Variants in RBL1 observed in about 807,000 individuals in gnomAD.
RBL1 encodes the protein retinoblastoma-like protein 1.
Under a neutral mutation model 123.0 loss-of-function variants are expected in RBL1, and 82 were observed. The ratio of observed to expected loss-of-function variants is 0.67; its 90% CI spans 0.56 to 0.80. The LOEUF (loss-of-function observed/expected upper bound fraction) is 0.80. Ranked by LOEUF, RBL1 falls within the 30% of genes least tolerant of loss-of-function variation. The probability of loss-of-function intolerance (pLI) is 0.00; values close to 1 mark genes in which losing one functional copy is unlikely to be tolerated. For synonymous variants in RBL1, 405 were observed against 441.3 expected (o/e 0.92, Z 1.03); for missense variants, 1,171 against 1,299.6 (o/e 0.90, Z 1.52).
At chr20:37,039,632 G>A (rs528859478) in intron 14 of RBL1, among the ~76,000 whole-genome samples, 1 of 152,212 alleles carries the variant, frequency 6.6e-6, no homozygotes, top group South Asian at 2.1e-4. Flanking sequence ...ATGTGGAACT[G>A]TGAGTAAATC....
intron 16 of RBL1, among the ~76,000 whole-genome samples, chr20:37,026,819 G>A (rs751635465): frequency 1.3e-5 from 2 of 150,968 alleles, no homozygotes; most frequent in African/African-American, 2.4e-5. Flanking sequence ...TCTGGCCAAC[G>A]TGGTGAAACC....
intron 1 of RBL1, among the ~76,000 whole-genome samples, chr20:37,093,645 ATT>A (rs56745650): frequency 1.3e-4 from 18 of 136,248 alleles, no homozygotes; most frequent in Admixed American, 2.2e-4. Context: ...GTTTCTTTCC[ATT>A]TTTTTTTTTT....
chr20:37,071,175 A>G (rs1388499867), intron 2 of RBL1, among the ~76,000 whole-genome samples: 1 of 152,092 alleles, frequency 6.6e-6, no homozygotes, highest in African/African-American at 2.4e-5. Flanking sequence ...GATTACAGGC[A>G]TGAACCACTG....
intron 1 of RBL1, among the ~76,000 whole-genome samples, chr20:37,090,144 C>A (rs941010377): frequency 6.6e-6 from 1 of 152,204 alleles, no homozygotes; most frequent in African/African-American, 2.4e-5. Flanking sequence ...TTTAGATACA[C>A]ACATACTCAC....
At chr20:37,003,913 G>T in intron 20 of RBL1, 47 bp from the exon 21 acceptor site, 1 of 1,485,834 alleles carries the variant, frequency 6.7e-7, no homozygotes, top group South Asian at 1.3e-5. Flanking sequence ...GTTTTTCTTT[G>T]TTTTTGAATC....
At chr20:37,081,895 C>A in intron 2 of RBL1, 1 of 425,108 alleles carries the variant, frequency 2.4e-6, no homozygotes, top group Admixed American at 2.7e-5. Context: ...CACCAGAGAC[C>A]CCTGCTGGCT....
At chr20:37,050,266 G>A (rs1383480608) in intron 11 of RBL1, among the ~76,000 whole-genome samples, 3 of 151,460 alleles carry the variant, frequency 2.0e-5, no homozygotes, top group East Asian at 1.9e-4. Flanking sequence ...GAATAAGGCC[G>A]GGCGCAGTGG....
chr20:37,093,101 A>AT (rs1172487151), intron 1 of RBL1, among the ~76,000 whole-genome samples: 2 of 152,118 alleles, frequency 1.3e-5, no homozygotes, highest in Non-Finnish European at 2.9e-5. Flanking sequence ...TGAATAACTG[A>AT]TTTTGACTAC....
intron 11 of RBL1, among the ~76,000 whole-genome samples, chr20:37,052,364 C>G (rs573546507): frequency 1.4e-4 from 22 of 152,114 alleles, no homozygotes; most frequent in African/African-American, 5.3e-4. Flanking sequence ...TGCAGTCTCT[C>G]TCTGTCTTCC....
rs774322517 is a variant in RBL1 at position 37,095,794 on chromosome 20, G to A, written c.135C>T (p.Ile45=). 1.2e-6 allele frequency: 2 copies of A among 1,609,882 alleles called. No individual in the cohort carries two copies. Among genetic ancestry groups the A allele is most frequent in the South Asian group, 2.2e-5 (2 of 90,452 alleles). The change falls in exon 1 of 22, where the codon ATC becomes ATT. Residue 45 remains isoleucine (I), a synonymous_variant. Transcript: ENST00000373664. ...TCACCTCTAGGCTGTAGTTGCCTCGGATGGCAGTAAAGTCGTCCAGGGCTT... is the reference window on the plus strand; with the variant it reads ...TCACCTCTAGGCTGTAGTTGCCTCGAATGGCAGTAAAGTCGTCCAGGGCTT... The part of the protein sequence containing the change: ...AAEALDDFTA[I]RGNYSLEGEV...
chr20:37,024,324 T>G (rs1409973362), intron 16 of RBL1, among the ~76,000 whole-genome samples: 2 of 152,074 alleles, frequency 1.3e-5, no homozygotes, highest in African/African-American at 2.4e-5. Flanking sequence ...AATAGTAGGG[T>G]AAGAGCAGAG....
intron 11 of RBL1, among the ~76,000 whole-genome samples, chr20:37,052,917 C>T (rs890667362): frequency 1.3e-5 from 2 of 152,212 alleles, no homozygotes; most frequent in Non-Finnish European, 2.9e-5. Flanking sequence ...GCTGGGATTA[C>T]AGGCATGAGC....
chr20:37,093,552 T>A (rs1033051043), intron 1 of RBL1, among the ~76,000 whole-genome samples: 1 of 151,988 alleles, frequency 6.6e-6, no homozygotes, highest in African/African-American at 2.4e-5. Context: ...AGCAGGAACA[T>A]CACTTGAGCA....
At chr20:37,031,567 C>T (rs1368771530) in intron 16 of RBL1, among the ~76,000 whole-genome samples, 3 of 152,092 alleles carry the variant, frequency 2.0e-5, no homozygotes, top group Non-Finnish European at 4.4e-5. Flanking sequence ...ACGTTGGCAA[C>T]GATGAGAAGA....
At chr20:37,012,144 C>T (rs933913324) in intron 19 of RBL1, among the ~76,000 whole-genome samples, 3 of 152,256 alleles carry the variant, frequency 2.0e-5, no homozygotes, top group African/African-American at 7.2e-5. Context: ...GGATTGCAGA[C>T]GGAGTCTGGT....
In RBL1 at chr20:37,012,062, G is replaced by A. The variant is rs930083267; in HGVS notation, c.2723-4503C>T. On this transcript the variant is annotated intron_variant, in intron 19 of 21. Transcript: ENST00000373664. Reference sequence around the variant, plus strand: ...ATTTTTTTGGTGGAGACGGGGTTTCGCTGTGTTGGCTGGGCCGGTCTCCAG... The same window carrying A: ...ATTTTTTTGGTGGAGACGGGGTTTCACTGTGTTGGCTGGGCCGGTCTCCAG... Among the ~76,000 whole-genome samples, 12 of 152,232 alleles carry A rather than the reference G, an allele frequency of 7.9e-5. No homozygotes were observed. In the East Asian group the frequency reaches 1.2e-3, roughly 15 times the overall value.
At chr20:37,008,073 C>A (rs564014494) in intron 19 of RBL1, among the ~76,000 whole-genome samples, 1 of 152,186 alleles carries the variant, frequency 6.6e-6, no homozygotes, top group Non-Finnish European at 1.5e-5. Context: ...GAAGGTGGTG[C>A]TCTTTTCTCT....
intron 16 of RBL1, among the ~76,000 whole-genome samples, chr20:37,027,000 T>TAA (rs202243793): frequency 7.4e-5 from 9 of 121,060 alleles, no homozygotes; most frequent in Admixed American, 1.7e-4. Flanking sequence ...GACTCCATCT[T>TAA]AAAAAAAAAC....
rs192399539 is a variant in RBL1, at chr20:37,060,553, G to A, written c.1250+550C>T. ...TAATCCCAGCAGTTTGGAAGGCCGA[G>A]GCAGTTGGATCACTTGAGCTCAGAA... On this transcript the variant is annotated intron_variant, in intron 9 of 21. Coordinates refer to ENST00000373664, the MANE Select transcript of RBL1 (RefSeq NM_002895.5). 1.3e-4 allele frequency among the ~76,000 whole-genome samples: 20 copies of A among 152,150 alleles called. No homozygotes were observed. The East Asian group carries it at 1.4e-3, about 10-fold the overall frequency.
Sources: gnomAD v4.1 joint callset for allele counts (sites outside exome capture counted in the v4.1 genomes callset) on GRCh38, gnomAD v4.1.1 for gene constraint, MANE v1.5 for transcripts, NCBI Gene and HGNC (gene_info 2026-07-23, HGNC 2026-07-21) for gene names.